The following DISC1 variants were observed in gnomAD, a reference collection of about 807,000 sequenced individuals.
The protein encoded by DISC1 is disrupted in schizophrenia 1 protein.
In DISC1, 57 loss-of-function variants were observed where a neutral mutation model predicts 84.5. That is an observed-to-expected ratio of 0.67 (90% CI 0.55 to 0.84). The LOEUF (loss-of-function observed/expected upper bound fraction) is 0.84. Among genes scored for constraint, DISC1 ranks in the 40% least tolerant of loss-of-function variants. The pLI is 0.00. For missense variants in DISC1, 1,000 were observed against 1,057.8 expected (o/e 0.95, Z 0.76); for synonymous variants, 411 against 415.2 (o/e 0.99, Z 0.12).
chr1:231,792,935 C>T (rs2078458343), intron 6 of DISC1, among the ~76,000 whole-genome samples: 1 of 152,188 alleles, frequency 6.6e-6, no homozygotes, highest in Non-Finnish European at 1.5e-5. Flanking sequence ...GTCACATGCC[C>T]CACCTCTGTC....
intron 9 of DISC1, among the ~76,000 whole-genome samples, chr1:231,841,444 T>A (rs2083060860): frequency 6.6e-6 from 1 of 152,226 alleles, no homozygotes; most frequent in Non-Finnish European, 1.5e-5. Context: ...GGGTGGTAGA[T>A]CTTTCTCAGG....
chr1:231,774,015 C>G (rs1433329328), intron 6 of DISC1, among the ~76,000 whole-genome samples: 5 of 151,908 alleles, frequency 3.3e-5, no homozygotes, highest in Admixed American at 2.6e-4. Flanking sequence ...ATAATCCCAG[C>G]ACTTTGGGAG....
At chr1:231,918,923 G>C (rs1572054687) in intron 9 of DISC1, among the ~76,000 whole-genome samples, 2 of 152,184 alleles carry the variant, frequency 1.3e-5, no homozygotes, top group East Asian at 3.8e-4. Flanking sequence ...CCTTTCCTCT[G>C]TATGTGTTTG....
intron 8 of DISC1, among the ~76,000 whole-genome samples, chr1:231,812,117 A>G (rs1253478782): frequency 1.3e-5 from 2 of 152,108 alleles, no homozygotes; most frequent in Non-Finnish European, 2.9e-5. Context: ...GTGCAGTGGT[A>G]TGATCATGAC....
chr1:231,626,903 CGCCGGCGGCG>C lies in DISC1; in HGVS notation c.39_48del (p.Gly14AlafsTer2), dbSNP rs1424564375. On this transcript the variant is annotated frameshift_variant, in exon 1 of 13. Transcript: ENST00000439617. LOFTEE classifies it high-confidence loss of function. ...GGGGTCCTCAGGGCGCCCCAGCCGC[CGCCGGCGGCG>C]GCGGCGTGAGCCACCGCGCAGGTAG... The C allele has an allele frequency of 2.0e-6, 3 of 1,502,088 alleles. No homozygotes were observed. Among genetic ancestry groups the C allele is most frequent in the Non-Finnish European group, 2.6e-6 (3 of 1,133,968 alleles). 93.0% of individuals were successfully genotyped at this position (1,502,088 alleles called of 1,614,324 possible). A position where few individuals can be genotyped will look rare whatever the true frequency, so the allele number is the denominator to read the frequency against.
chr1:231,640,990 C>T lies in DISC1; in HGVS notation c.67+14056C>T, dbSNP rs539706407. ...AGCCTTAGGACAAATGATAACCTACCCTGTAGTCTGTCCATGCTCTGGAGA... is the reference window on the plus strand; with the variant it reads ...AGCCTTAGGACAAATGATAACCTACTCTGTAGTCTGTCCATGCTCTGGAGA... On this transcript the variant is annotated intron_variant, in intron 1 of 12. Transcript: ENST00000439617. Among the ~76,000 whole-genome samples the T allele has an allele frequency of 2.6e-5, 4 of 152,302 alleles. No homozygotes were observed. The East Asian group carries it at 5.8e-4, about 22-fold the overall frequency.
At chr1:231,841,674 T>C (rs967985531) in intron 9 of DISC1, among the ~76,000 whole-genome samples, 2 of 152,256 alleles carry the variant, frequency 1.3e-5, no homozygotes, top group African/African-American at 2.4e-5. Flanking sequence ...AGAGGGTTTG[T>C]GTGGTGACAC....
intron 3 of DISC1, among the ~76,000 whole-genome samples, chr1:231,711,872 C>A (rs1463336669): frequency 1.3e-5 from 2 of 152,078 alleles, no homozygotes; most frequent in Non-Finnish European, 2.9e-5. Flanking sequence ...GATACCCATC[C>A]CTCCCCAAAG....
Position 231,748,448 on chromosome 1 carries a change from AG to A in DISC1, c.1118-1475del, listed in dbSNP as rs745417779. On this transcript the variant is annotated intron_variant, in intron 3 of 12. Transcript: ENST00000439617. ...TTTGTTGAGAATTTTTTTATTATGA[AG>A]GGATGTTGAATTTTATCAAAAGCTT... Among the ~76,000 whole-genome samples the A allele has an allele frequency of 3.3e-4, 50 of 152,280 alleles. No individual in the cohort carries two copies. The East Asian group carries it at 6.2e-3, about 19-fold the overall frequency.
chr1:231,766,871 A>G (rs1024430355), intron 4 of DISC1, among the ~76,000 whole-genome samples: 2 of 152,196 alleles, frequency 1.3e-5, no homozygotes, highest in African/African-American at 4.8e-5. Context: ...TGGGCTAACC[A>G]TGTGTCACAT....
At chr1:231,796,050 T>C (rs2078740488) in intron 7 of DISC1, among the ~76,000 whole-genome samples, 1 of 152,212 alleles carries the variant, frequency 6.6e-6, no homozygotes, top group Non-Finnish European at 1.5e-5. Context: ...TTGCCTACTT[T>C]ATCCATCGTT....
At chr1:231,704,883 A>G (rs1238680102) in intron 3 of DISC1, among the ~76,000 whole-genome samples, 1 of 152,014 alleles carries the variant, frequency 6.6e-6, no homozygotes, top group African/African-American at 2.4e-5. Context: ...AGCCACACTT[A>G]GAGTAATAAT....
In DISC1 at chr1:231,844,688, A is replaced by G. The variant is rs561937177; in HGVS notation, c.1981+26171A>G. ...TATTATCAATACCCAGCATTTTGGGAGGCCGACGGGGGTGGATCACGAGGT... is the reference window on the plus strand; with the variant it reads ...TATTATCAATACCCAGCATTTTGGGGGGCCGACGGGGGTGGATCACGAGGT... On this transcript the variant is annotated intron_variant, in intron 9 of 12. Coordinates refer to ENST00000439617, the MANE Select transcript of DISC1 (RefSeq NM_018662.3). Among the ~76,000 whole-genome samples, 3 of 152,174 alleles carry G rather than the reference A, an allele frequency of 2.0e-5. No individual in the cohort carries two copies. The South Asian group carries it at 6.2e-4, about 32-fold the overall frequency.
intron 9 of DISC1, among the ~76,000 whole-genome samples, chr1:231,881,177 C>T (rs1450886060): frequency 6.6e-6 from 1 of 152,204 alleles, no homozygotes; most frequent in Non-Finnish European, 1.5e-5. Flanking sequence ...TGCTGCAGGG[C>T]ACCACAGTCA....
At chr1:231,668,920 G>T (rs1309188488) in intron 1 of DISC1, among the ~76,000 whole-genome samples, 1 of 152,174 alleles carries the variant, frequency 6.6e-6, no homozygotes, top group African/African-American at 2.4e-5. Flanking sequence ...CATATCTGAA[G>T]TCAGTGCTCA....
chr1:231,817,115 C>T lies in DISC1; in HGVS notation c.1793-1214C>T, dbSNP rs192968825. On this transcript the variant is annotated intron_variant, in intron 8 of 12. Transcript: ENST00000439617. ...TTTTATTTGTTTAGATATGAAGTCTCACTCTGTTGCTCAAGCTGGAGTGCA... is the reference window on the plus strand; with the variant it reads ...TTTTATTTGTTTAGATATGAAGTCTTACTCTGTTGCTCAAGCTGGAGTGCA... 2.0e-5 allele frequency among the ~76,000 whole-genome samples: 3 copies of T among 152,274 alleles called. No individual in the cohort carries two copies. In the East Asian group the frequency reaches 5.8e-4, roughly 29 times the overall value.
chr1:231,732,664 T>C (rs2071677810), intron 3 of DISC1, among the ~76,000 whole-genome samples: 1 of 152,238 alleles, frequency 6.6e-6, no homozygotes, highest in African/African-American at 2.4e-5. Flanking sequence ...TTGGGTTCTC[T>C]GTATTATGGC....
intron 9 of DISC1, among the ~76,000 whole-genome samples, chr1:231,867,737 G>GAAAGAAAAGTTTT (rs1452207806): frequency 6.6e-6 from 1 of 152,282 alleles, no homozygotes; most frequent in East Asian, 1.9e-4. Context: ...GATTTGTTTA[G>GAAAGAAAAGTTTT]AAAGAAAAGT....
chr1:231,666,476 A>G (rs1558282391), intron 1 of DISC1, among the ~76,000 whole-genome samples: 2 of 152,208 alleles, frequency 1.3e-5, no homozygotes, highest in Admixed American at 1.3e-4. Flanking sequence ...CATAAATAAA[A>G]TATGACAATC....
Sources: gnomAD v4.1 joint callset for allele counts (sites outside exome capture counted in the v4.1 genomes callset) on GRCh38, gnomAD v4.1.1 for gene constraint, MANE v1.5 for transcripts, NCBI Gene and HGNC (gene_info 2026-07-23, HGNC 2026-07-21) for gene names.